PTPRT: variants seen among roughly 807,000 people sequenced by gnomAD.
The protein encoded by PTPRT is protein tyrosine phosphatase receptor type T.
Under a neutral mutation model 176.8 loss-of-function variants are expected in PTPRT, and 56 were observed. The observed-to-expected ratio is 0.32, with a 90% confidence interval of 0.26 to 0.40. PTPRT has a LOEUF of 0.40. PTPRT is among the 10% of genes least tolerant of loss of function. The pLI is 1.00. For missense variants in PTPRT, 1,540 were observed against 1,908.2 expected, an observed-to-expected ratio of 0.81 and a Z score of 3.60; for synonymous variants, 783 against 739.0, an observed-to-expected ratio of 1.06 and a Z score of -0.96.
At chr20:42,381,687 G>C (rs549758950) in intron 9 of PTPRT, among the ~76,000 whole-genome samples, 2 of 152,142 alleles carry the variant, frequency 1.3e-5, no homozygotes, top group Admixed American at 1.3e-4. Flanking sequence ...AGGGAAAATG[G>C]GGGAAGAAGG....
chr20:42,264,701 T>G (rs1011311983), intron 13 of PTPRT, among the ~76,000 whole-genome samples: 6 of 152,230 alleles, frequency 3.9e-5, no homozygotes, highest in African/African-American at 1.4e-4. Flanking sequence ...CTATCTCAGC[T>G]CTCAGTCTTG....
intron 7 of PTPRT, among the ~76,000 whole-genome samples, chr20:42,527,140 T>A (rs889889438): frequency 6.6e-6 from 1 of 151,954 alleles, no homozygotes; most frequent in Non-Finnish European, 1.5e-5. Context: ...ATTTTTTGTA[T>A]TTTTAGTAGA....
intron 27 of PTPRT, among the ~76,000 whole-genome samples, chr20:42,094,618 A>G (rs1175866382): frequency 6.6e-6 from 1 of 152,102 alleles, no homozygotes; most frequent in Non-Finnish European, 1.5e-5. Context: ...GACTGGGTGC[A>G]GTGGCTCATG....
rs184733714 is a variant in PTPRT, at chr20:43,165,701, G to C, written c.88+23945C>G. Among the ~76,000 whole-genome samples, 738 of 152,298 alleles carry C rather than the reference G, an allele frequency of 4.8e-3. 7 individuals are homozygous for C. The highest frequency in any genetic ancestry group is 0.017 in the African/African-American group (691 of 41,554). On this transcript the variant is annotated intron_variant, in intron 1 of 30. Transcript: ENST00000373187. ...AGCTAGAAGCAACAGTTTCGGCTTG[G>C]GGCTTTATTCTACGTGCAAGTGGAG...
At chr20:42,268,963 C>T (rs1220305320) in intron 13 of PTPRT, among the ~76,000 whole-genome samples, 1 of 152,166 alleles carries the variant, frequency 6.6e-6, no homozygotes, top group Admixed American at 6.5e-5. Flanking sequence ...AACCACTTCC[C>T]CAGGAGGTCA....
intron 2 of PTPRT, among the ~76,000 whole-genome samples, chr20:42,862,904 G>A (rs1187275900): frequency 6.6e-6 from 1 of 152,136 alleles, no homozygotes; most frequent in African/African-American, 2.4e-5. Context: ...CTTGGGCCCA[G>A]CTGTTCTTCA....
chr20:42,355,912 C>T (rs1235994864), intron 9 of PTPRT, among the ~76,000 whole-genome samples: 1 of 152,186 alleles, frequency 6.6e-6, no homozygotes, highest in Non-Finnish European at 1.5e-5. Flanking sequence ...ATATACCGCG[C>T]TCTTCTGCTC....
At chr20:42,891,159 C>T (rs1224248172) in intron 1 of PTPRT, among the ~76,000 whole-genome samples, 4 of 152,204 alleles carry the variant, frequency 2.6e-5, no homozygotes, top group African/African-American at 4.8e-5. Flanking sequence ...CATCTGGATG[C>T]TAACCTCATT....
At chr20:42,725,723 T>C (rs1240565714) in intron 6 of PTPRT, among the ~76,000 whole-genome samples, 1 of 152,108 alleles carries the variant, frequency 6.6e-6, no homozygotes, top group Non-Finnish European at 1.5e-5. Context: ...TTGGTGGGAA[T>C]GTAAATTAGT....
chr20:42,368,455 C>G (rs555857987), intron 9 of PTPRT, among the ~76,000 whole-genome samples: 1 of 152,262 alleles, frequency 6.6e-6, no homozygotes, highest in East Asian at 1.9e-4. Context: ...ACCCATTGCC[C>G]TTCAAGTATG....
intron 12 of PTPRT, among the ~76,000 whole-genome samples, chr20:42,309,202 A>C (rs528131954): frequency 2.0e-5 from 3 of 152,228 alleles, no homozygotes; most frequent in Non-Finnish European, 4.4e-5. Context: ...GGATATTTGC[A>C]TGAGTTTGCC....
intron 1 of PTPRT, among the ~76,000 whole-genome samples, chr20:42,959,954 C>A (rs1981892947): frequency 6.6e-6 from 1 of 152,122 alleles, no homozygotes; most frequent in South Asian, 2.1e-4. Context: ...CATCTCATCC[C>A]ATGCTCAGGT....
At chr20:42,906,967 C>T (rs2079486707) in intron 1 of PTPRT, among the ~76,000 whole-genome samples, 1 of 152,036 alleles carries the variant, frequency 6.6e-6, no homozygotes, top group African/African-American at 2.4e-5. Flanking sequence ...CCGCATCTAA[C>T]AAAGAGCACA....
chr20:42,760,294 TCTC>T (rs1346370270), intron 5 of PTPRT, among the ~76,000 whole-genome samples: 1 of 152,032 alleles, frequency 6.6e-6, no homozygotes, highest in Non-Finnish European at 1.5e-5. Flanking sequence ...GTCTCTGCCT[TCTC>T]CTACAGTAAA....
At chr20:42,200,114 C>T (rs1273512042) in intron 15 of PTPRT, among the ~76,000 whole-genome samples, 1 of 151,682 alleles carries the variant, frequency 6.6e-6, no homozygotes, top group African/African-American at 2.4e-5. Context: ...AGGACAGGAC[C>T]TAGAATTCTA....
At chr20:42,137,845 C>G (rs1017332535) in intron 18 of PTPRT, among the ~76,000 whole-genome samples, 3 of 152,154 alleles carry the variant, frequency 2.0e-5, no homozygotes, top group African/African-American at 7.2e-5. Context: ...GGGATGAAAA[C>G]CTGGGACTGC....
chr20:42,896,700 C>T (rs2079306201), intron 1 of PTPRT, among the ~76,000 whole-genome samples: 2 of 151,792 alleles, frequency 1.3e-5, no homozygotes, highest in South Asian at 4.2e-4. Flanking sequence ...CAAGCACGGG[C>T]TCTTCTCTTC....
At chr20:42,998,902 T>C (rs565889898) in intron 1 of PTPRT, among the ~76,000 whole-genome samples, 1 of 152,318 alleles carries the variant, frequency 6.6e-6, no homozygotes, top group African/African-American at 2.4e-5. Context: ...ACCCCACTGA[T>C]GGGGATATTT....
intron 2 of PTPRT, among the ~76,000 whole-genome samples, chr20:42,861,575 A>T (rs896235916): frequency 7.2e-5 from 11 of 152,310 alleles, no homozygotes; most frequent in African/African-American, 2.6e-4. Flanking sequence ...ATAAAACAAA[A>T]CAGATAAGCC....
Sources: gnomAD v4.1 joint callset for allele counts (sites outside exome capture counted in the v4.1 genomes callset) on GRCh38, gnomAD v4.1.1 for gene constraint, MANE v1.5 for transcripts, NCBI Gene and HGNC (gene_info 2026-07-23, HGNC 2026-07-21) for gene names.